The following RBFOX1 variants were observed in gnomAD, a reference collection of about 807,000 sequenced individuals.
RBFOX1 encodes RNA binding fox-1 homolog 1, also known as RNA binding protein fox-1 homolog 1.
A neutral mutation model predicts 57.7 loss-of-function variants in RBFOX1; 8 were observed. The ratio of observed to expected loss-of-function variants is 0.14; its 90% confidence interval spans 0.08 to 0.25. The LOEUF (loss-of-function observed/expected upper bound fraction) is 0.25, where lower values mean the gene tolerates loss of function less well. Among genes scored for constraint, RBFOX1 ranks in the 10% least tolerant of loss-of-function variants. RBFOX1 has a pLI of 1.00. For synonymous variants in RBFOX1, 326 were observed against 222.4 expected (o/e 1.47, Z -4.15); for missense variants, 611 against 548.5 (o/e 1.11, Z -1.14).
At chr16:5,661,093 G>C (rs1439172359) in intron 3 of RBFOX1, among the ~76,000 whole-genome samples, 1 of 152,130 alleles carries the variant, frequency 6.6e-6, no homozygotes, top group Non-Finnish European at 1.5e-5. Flanking sequence ...TTCCTCCTGA[G>C]ATTGGGAAAA....
At chr16:5,723,999 G>A (rs144897035) in intron 3 of RBFOX1, among the ~76,000 whole-genome samples, 43 of 142,920 alleles carry the variant, frequency 3.0e-4, no homozygotes, top group African/African-American at 1.1e-3. Context: ...GAAGAGTGTC[G>A]GTGTATAGCT....
chr16:5,271,824 C>A (rs1338154491), intron 1 of RBFOX1, among the ~76,000 whole-genome samples: 1 of 152,222 alleles, frequency 6.6e-6, no homozygotes, highest in Non-Finnish European at 1.5e-5. Flanking sequence ...TCTTTAGATT[C>A]CACATGTAAG....
intron 1 of RBFOX1, among the ~76,000 whole-genome samples, chr16:5,453,449 G>A (rs1281095043): frequency 6.6e-6 from 1 of 152,170 alleles, no homozygotes. Flanking sequence ...GAAGGATAGA[G>A]GATAGGACAC....
At chr16:6,552,297 A>C (rs982995595) in intron 2 of RBFOX1, among the ~76,000 whole-genome samples, 8 of 152,182 alleles carry the variant, frequency 5.3e-5, no homozygotes, top group Non-Finnish European at 1.2e-4. Context: ...AGAATAACTA[A>C]TATCAGGAAA....
chr16:7,389,649 G>A (rs940358624), intron 4 of RBFOX1, among the ~76,000 whole-genome samples: 2 of 152,122 alleles, frequency 1.3e-5, no homozygotes. Flanking sequence ...GATATGTTGG[G>A]ACCCTACAGA....
At chr16:7,002,434 G>A (rs781450918) in intron 3 of RBFOX1, among the ~76,000 whole-genome samples, 2 of 152,142 alleles carry the variant, frequency 1.3e-5, no homozygotes, top group Non-Finnish European at 2.9e-5. Context: ...AACTATTTTC[G>A]CTGGGCGCGA....
chr16:6,030,999 C>G (rs9923541), intron 1 of RBFOX1, among the ~76,000 whole-genome samples: 1 of 151,894 alleles, frequency 6.6e-6, no homozygotes, highest in Admixed American at 6.6e-5. Flanking sequence ...GAGACTGACA[C>G]GAAACATGAA....
chr16:6,856,449 A>G (rs1298283577), intron 3 of RBFOX1, among the ~76,000 whole-genome samples: 1 of 152,116 alleles, frequency 6.6e-6, no homozygotes, highest in Non-Finnish European at 1.5e-5. Context: ...CAGCAGGACC[A>G]CCTGAGCCAC....
chr16:6,115,261 C>T (rs2096486163), intron 1 of RBFOX1, among the ~76,000 whole-genome samples: 2 of 152,186 alleles, frequency 1.3e-5, no homozygotes, highest in Admixed American at 1.3e-4. Flanking sequence ...AAATAGTTGG[C>T]ATAATGTGGA....
intron 3 of RBFOX1, among the ~76,000 whole-genome samples, chr16:5,757,178 A>T (rs1388598116): frequency 6.6e-6 from 1 of 151,224 alleles, no homozygotes; most frequent in Non-Finnish European, 1.5e-5. Context: ...CAGCAGAGGG[A>T]GAAAGAGCAT....
chr16:5,248,513 T>C (rs2062360933), intron 1 of RBFOX1, among the ~76,000 whole-genome samples: 1 of 152,218 alleles, frequency 6.6e-6, no homozygotes, highest in Admixed American at 6.5e-5. Context: ...ACAGGGTTCC[T>C]GCCTTAGCTT....
intron 3 of RBFOX1, among the ~76,000 whole-genome samples, chr16:5,626,623 C>G (rs1201687276): frequency 6.6e-6 from 1 of 152,164 alleles, no homozygotes; most frequent in African/African-American, 2.4e-5. Flanking sequence ...GCCTCTTCTC[C>G]CGCCATGGGA....
chr16:6,818,713 C>T (rs964957938), intron 3 of RBFOX1, among the ~76,000 whole-genome samples: 1 of 152,112 alleles, frequency 6.6e-6, no homozygotes, highest in African/African-American at 2.4e-5. Flanking sequence ...TCTCTTCCAC[C>T]CTCAGTCTGT....
chr16:7,075,859 C>T (rs1052075885), intron 4 of RBFOX1, among the ~76,000 whole-genome samples: 15 of 151,958 alleles, frequency 9.9e-5, no homozygotes, highest in Admixed American at 6.6e-4. Flanking sequence ...GGATTACAGG[C>T]GTGAGCCACC....
intron 2 of RBFOX1, among the ~76,000 whole-genome samples, chr16:6,565,410 A>G (rs1022859552): frequency 2.0e-5 from 3 of 152,136 alleles, no homozygotes; most frequent in African/African-American, 7.2e-5. Context: ...GGCGCCCGCC[A>G]CCATGCCTGG....
chr16:6,490,321 G>T (rs1036973083), intron 2 of RBFOX1, among the ~76,000 whole-genome samples: 1 of 152,184 alleles, frequency 6.6e-6, no homozygotes, highest in Non-Finnish European at 1.5e-5. Context: ...GAAGTAGAGA[G>T]CGTCAATGAA....
At chr16:7,098,220 A>G (rs187765745) in intron 4 of RBFOX1, among the ~76,000 whole-genome samples, 27 of 152,312 alleles carry the variant, frequency 1.8e-4, no homozygotes, top group Non-Finnish European at 3.5e-4. Flanking sequence ...TCCAAGCTAG[A>G]GTGCAGTGGC....
Position 7,347,275 on chromosome 16 carries a change from T to C in RBFOX1, c.28-170872T>C, listed in dbSNP as rs192524095. Among the ~76,000 whole-genome samples the C allele has an allele frequency of 2.7e-4, 41 of 152,278 alleles. 3 individuals are homozygous for C. In the South Asian group the frequency reaches 8.5e-3, roughly 32 times the overall value. ...GGGCAATTTGCAAATGAGAGAGGCT[T>C]ATTGGGCTTACAGTTCCAGGTGGCT... On this transcript the variant is annotated intron_variant, in intron 4 of 15. Coordinates refer to ENST00000550418, the MANE Select transcript of RBFOX1 (RefSeq NM_018723.4).
chr16:5,755,689 A>G (rs757791509), intron 3 of RBFOX1, among the ~76,000 whole-genome samples: 1 of 152,168 alleles, frequency 6.6e-6, no homozygotes, highest in Non-Finnish European at 1.5e-5. Context: ...GCCTCCGCCT[A>G]CCAGGTTCAA....
Sources: gnomAD v4.1 joint callset for allele counts (sites outside exome capture counted in the v4.1 genomes callset) on GRCh38, gnomAD v4.1.1 for gene constraint, MANE v1.5 for transcripts, NCBI Gene and HGNC (gene_info 2026-07-23, HGNC 2026-07-21) for gene names.